The following WDPCP variants were observed in gnomAD, a reference collection of about 807,000 sequenced individuals.
WDPCP encodes the protein WD repeat containing planar cell polarity effector.
Under a neutral mutation model 93.1 loss-of-function variants are expected in WDPCP, and 71 were observed. The ratio of observed to expected loss-of-function variants is 0.76; its 90% CI spans 0.63 to 0.93. The LOEUF (loss-of-function observed/expected upper bound fraction) is 0.93. Ranked by LOEUF, WDPCP falls within the 40% of genes least tolerant of loss-of-function variation. The pLI, the probability that WDPCP is intolerant of heterozygous loss-of-function variation, is 0.00. For missense variants in WDPCP, 844 were observed against 887.4 expected, an observed-to-expected ratio of 0.95 and a Z score of 0.62; for synonymous variants, 315 against 315.0, an observed-to-expected ratio of 1.00 and a Z score of 0.00.
intron 2 of WDPCP, among the ~76,000 whole-genome samples, chr2:63,757,221 T>C (rs969040219): frequency 6.6e-6 from 1 of 152,134 alleles, no homozygotes. Context: ...AAAAGGAGCA[T>C]CTCAAAATCA....
At chr2:63,284,600 T>C (rs1016618984) in intron 13 of WDPCP, among the ~76,000 whole-genome samples, 1 of 152,204 alleles carries the variant, frequency 6.6e-6, no homozygotes, top group Non-Finnish European at 1.5e-5. Context: ...AGCACTGTAA[T>C]AGTTTTACAG....
chr2:63,316,582 G>A (rs1481504224), intron 12 of WDPCP, among the ~76,000 whole-genome samples: 1 of 152,046 alleles, frequency 6.6e-6, no homozygotes, highest in Admixed American at 6.6e-5. Context: ...GAACCTGGGA[G>A]GCAGAGGTTG....
intron 14 of WDPCP, among the ~76,000 whole-genome samples, chr2:63,183,219 G>A (rs1674381346): frequency 6.6e-6 from 1 of 151,770 alleles, no homozygotes; most frequent in East Asian, 1.9e-4. Context: ...GAGGTGTGAT[G>A]TTAGGTTGTT....
intron 2 of WDPCP, among the ~76,000 whole-genome samples, chr2:63,787,922 C>T (rs1295779225): frequency 2.0e-5 from 3 of 152,068 alleles, no homozygotes; most frequent in Admixed American, 2.0e-4. Flanking sequence ...CATCTGTAAT[C>T]CCAGCTACTT....
chr2:63,422,881 A>T (rs1006188168), intron 9 of WDPCP, among the ~76,000 whole-genome samples: 1 of 152,246 alleles, frequency 6.6e-6, no homozygotes, highest in African/African-American at 2.4e-5. Context: ...TTACAGAAAA[A>T]GAAAGGATGG....
intron 17 of WDPCP, among the ~76,000 whole-genome samples, chr2:63,138,350 T>C (rs1356684214): frequency 6.6e-6 from 1 of 152,140 alleles, no homozygotes; most frequent in African/African-American, 2.4e-5. Flanking sequence ...GCCCATTTCC[T>C]TGCAACCTTG....
At chr2:63,784,916 G>C (rs1293460558) in intron 2 of WDPCP, among the ~76,000 whole-genome samples, 3 of 152,072 alleles carry the variant, frequency 2.0e-5, no homozygotes, top group Non-Finnish European at 4.4e-5. Context: ...GAAAACTTCA[G>C]TTTCTTAATA....
chr2:63,463,398 AAGG>A (rs980928887), intron 6 of WDPCP, among the ~76,000 whole-genome samples: 1 of 152,086 alleles, frequency 6.6e-6, no homozygotes, highest in Non-Finnish European at 1.5e-5. Context: ...TCTGATTTGG[AAGG>A]AGAAGGATAT....
chr2:63,307,151 G>C (rs766971299), intron 13 of WDPCP, among the ~76,000 whole-genome samples: 1 of 152,080 alleles, frequency 6.6e-6, no homozygotes, highest in Non-Finnish European at 1.5e-5. Flanking sequence ...GCTACAAAGA[G>C]AATAAAATAC....
At chr2:63,806,119 AAG>A (rs2104060178) in intron 2 of WDPCP, among the ~76,000 whole-genome samples, 1 of 152,324 alleles carries the variant, frequency 6.6e-6, no homozygotes, top group African/African-American at 2.4e-5. Flanking sequence ...GTCTCAAAAA[AAG>A]AGAAAACGAA....
At chr2:63,198,039 A>AGAGTT (rs1355177895) in intron 14 of WDPCP, among the ~76,000 whole-genome samples, 27 of 152,220 alleles carry the variant, frequency 1.8e-4, no homozygotes, top group Admixed American at 1.7e-3. Context: ...AGGTTATACC[A>AGAGTT]GAGTTGACCT....
At chr2:63,557,329 A>T (rs1192961782) in intron 1 of WDPCP, among the ~76,000 whole-genome samples, 1 of 152,242 alleles carries the variant, frequency 6.6e-6, no homozygotes, top group Non-Finnish European at 1.5e-5. Context: ...TACCAAGCAA[A>T]TGGAAAGCAA....
At chr2:63,303,638 G>GCCT (rs1685496968) in intron 13 of WDPCP, among the ~76,000 whole-genome samples, 1 of 152,136 alleles carries the variant, frequency 6.6e-6, no homozygotes, top group Admixed American at 6.5e-5. Context: ...AGGCCTTTTG[G>GCCT]CCACAACAGA....
chr2:63,677,548 A>T (rs952245763), intron 2 of WDPCP, among the ~76,000 whole-genome samples: 7 of 149,466 alleles, frequency 4.7e-5, no homozygotes, highest in African/African-American at 1.5e-4. Flanking sequence ...AAAGAAAAAA[A>T]GTCTTAAAAG....
intron 1 of WDPCP, among the ~76,000 whole-genome samples, chr2:63,546,788 TAGAA>T (rs1163272067): frequency 3.7e-4 from 56 of 152,174 alleles, no homozygotes; most frequent in Admixed American, 3.3e-3. Flanking sequence ...GTAAAGGTAT[TAGAA>T]AGCAGAAACA....
chr2:63,597,817 T>G (rs1709346691), intron 3 of WDPCP: 1 of 276,874 alleles, frequency 3.6e-6, no homozygotes, highest in African/African-American at 2.2e-5. Context: ...AAATTTAGTA[T>G]TAGTTCTTAA....
At chr2:63,443,285 A>G (rs1697626929) in intron 6 of WDPCP, 1 of 152,234 alleles carries the variant, frequency 6.6e-6, no homozygotes, top group Non-Finnish European at 1.5e-5. Flanking sequence ...ATAATGTACA[A>G]TAGCAATAAG....
At position 63,273,234 on chromosome 2, in the gene WDPCP, G is replaced by T. The variant is rs572088036; in HGVS notation, c.1813-13825C>A. Among the ~76,000 whole-genome samples, 31 of 152,136 alleles carry T rather than the reference G, an allele frequency of 2.0e-4. No individual in the cohort carries two copies. In the South Asian group the frequency reaches 5.8e-3, roughly 28 times the overall value. On this transcript the variant is annotated intron_variant, in intron 13 of 17. Transcript: ENST00000272321. ...CATCACCACTAGACTGGTCCTACAA[G>T]AAATATTTAAGGAAGTCCTAGATCT...
intron 7 of WDPCP, among the ~76,000 whole-genome samples, chr2:63,439,077 T>G (rs973243112): frequency 1.3e-5 from 2 of 152,106 alleles, no homozygotes; most frequent in Admixed American, 1.3e-4. Context: ...TGTGTAAAAA[T>G]GGAAATAACT....
Sources: allele counts gnomAD v4.1 joint callset (sites outside exome capture counted in the v4.1 genomes callset), GRCh38; gene constraint gnomAD v4.1.1; transcripts MANE v1.5; gene names NCBI Gene and HGNC (gene_info 2026-07-23, HGNC 2026-07-21).